RAD51B: variants seen among roughly 807,000 people sequenced by gnomAD.
RAD51B encodes the protein DNA repair protein RAD51 homolog 2.
A neutral mutation model predicts 42.2 loss-of-function variants in RAD51B; 38 were observed. The observed-to-expected ratio is 0.90, with a 90% CI of 0.70 to 1.18. The LOEUF (loss-of-function observed/expected upper bound fraction) is 1.18. RAD51B is among the 50% of genes most tolerant of loss of function. The pLI is 0.00. For missense variants in RAD51B, 373 were observed against 400.7 expected (o/e 0.93, Z 0.59); for synonymous variants, 154 against 145.2 (o/e 1.06, Z -0.43).
intron 7 of RAD51B, among the ~76,000 whole-genome samples, chr14:68,090,541 T>C (rs2077074133): frequency 6.6e-6 from 1 of 152,098 alleles, no homozygotes; most frequent in Admixed American, 6.5e-5. Context: ...TATAGTAAAA[T>C]AATGTACAGG....
chr14:68,581,867 A>G (rs1275437096), intron 10 of RAD51B, among the ~76,000 whole-genome samples: 2 of 152,216 alleles, frequency 1.3e-5, no homozygotes, highest in Non-Finnish European at 2.9e-5. Flanking sequence ...ATCTACAACC[A>G]TCTGATCTTT....
At chr14:68,011,456 C>A (rs1014273574) in intron 7 of RAD51B, among the ~76,000 whole-genome samples, 1 of 151,964 alleles carries the variant, frequency 6.6e-6, no homozygotes, top group Non-Finnish European at 1.5e-5. Context: ...TAATTTGGAA[C>A]CTTGGTTAGA....
chr14:68,183,921 G>A (rs562869624), intron 7 of RAD51B, among the ~76,000 whole-genome samples: 26 of 151,960 alleles, frequency 1.7e-4, no homozygotes, highest in Non-Finnish European at 3.4e-4. Context: ...GTGAAACCCC[G>A]TCTCTATTAA....
chr14:68,438,302 G>C (rs1456818901), intron 9 of RAD51B, among the ~76,000 whole-genome samples: 1 of 152,166 alleles, frequency 6.6e-6, no homozygotes, highest in African/African-American at 2.4e-5. Context: ...TAGGAGGCAG[G>C]ATCCACAACA....
At chr14:68,503,023 C>T (rs1408325960) in intron 10 of RAD51B, among the ~76,000 whole-genome samples, 1 of 152,222 alleles carries the variant, frequency 6.6e-6, no homozygotes, top group African/African-American at 2.4e-5. Context: ...GCCTACCCTG[C>T]CTGGCCTCAC....
intron 10 of RAD51B, among the ~76,000 whole-genome samples, chr14:68,513,964 A>G (rs1885944017): frequency 6.6e-6 from 1 of 152,194 alleles, no homozygotes. Flanking sequence ...TCATTTCTTT[A>G]AAAAGGAAGC....
At position 68,477,665 on chromosome 14, in the gene RAD51B, G is replaced by A. The variant is rs891245864; in HGVS notation, c.*1G>A. ...TCCTTTAGGCCAAGAGAAGCCATAG[G>A]GATACTGTGACCTTTGTCTAGAGTT... On this transcript the variant is annotated 3_prime_UTR_variant, in exon 11 of 11. Transcript: ENST00000471583. The A allele has an allele frequency of 1.5e-5, 24 of 1,611,618 alleles. No homozygotes were observed. The highest frequency in any genetic ancestry group is 2.0e-5 in the Non-Finnish European group (24 of 1,179,252).
intron 7 of RAD51B, among the ~76,000 whole-genome samples, chr14:67,937,018 T>C (rs1159457858): frequency 6.6e-6 from 1 of 152,228 alleles, no homozygotes; most frequent in African/African-American, 2.4e-5. Context: ...TCTCCCATTC[T>C]GTCCTTTTAC....
chr14:68,319,586 C>T (rs542730666), intron 8 of RAD51B, among the ~76,000 whole-genome samples: 2 of 152,270 alleles, frequency 1.3e-5, no homozygotes, highest in African/African-American at 4.8e-5. Context: ...CTCTGGAGAT[C>T]CAATTCTATT....
intron 10 of RAD51B, among the ~76,000 whole-genome samples, chr14:68,630,774 T>A (rs1457797268): frequency 6.6e-6 from 1 of 152,152 alleles, no homozygotes; most frequent in Non-Finnish European, 1.5e-5. Context: ...TCCAACCCCT[T>A]GAACCAACCC....
intron 5 of RAD51B, among the ~76,000 whole-genome samples, chr14:67,865,476 A>G (rs2042307789): frequency 1.4e-5 from 2 of 146,894 alleles, no homozygotes; most frequent in Non-Finnish European, 3.0e-5. Context: ...GCCTCAAGTG[A>G]TCTGCCCACC....
rs535044457 is a variant in RAD51B, at chr14:68,682,910, C to CTTTT, written c.*11+32071_*11+32074dup. 7.2e-4 allele frequency: 504 copies of CTTTT among 701,004 alleles called. 2 individuals carry two copies. Among genetic ancestry groups the CTTTT allele is most frequent in the East Asian group, 3.6e-3 (18 of 5,026 alleles). The allele number at this position is 701,004 out of a possible 1,614,324, so 43.4% of individuals were successfully genotyped here. On this transcript the variant is annotated intron_variant, in intron 11 of 11. Transcript: ENST00000488612. ...TTTAATAAAAATCTGTAGCTTATGG[C>CTTTT]TTTTTTTTTTTTTTTTTTTTGTATA...
chr14:68,147,988 T>C (rs1281470190), intron 7 of RAD51B, among the ~76,000 whole-genome samples: 1 of 152,150 alleles, frequency 6.6e-6, no homozygotes, highest in African/African-American at 2.4e-5. Flanking sequence ...CTCTTACCCT[T>C]CCTTACCTTA....
intron 7 of RAD51B, among the ~76,000 whole-genome samples, chr14:67,919,165 A>T (rs2044245499): frequency 6.6e-6 from 1 of 152,206 alleles, no homozygotes; most frequent in South Asian, 2.1e-4. Flanking sequence ...ACATTAGGGA[A>T]TAAACTGTCC....
At chr14:68,676,057 C>A (rs1009087761) in intron 11 of RAD51B, among the ~76,000 whole-genome samples, 2 of 152,198 alleles carry the variant, frequency 1.3e-5, no homozygotes, top group African/African-American at 4.8e-5. Context: ...ACTATTATTT[C>A]ACTTATAATG....
downstream of RAD51B, among the ~76,000 whole-genome samples, chr14:68,612,305 G>A (rs1251689632): frequency 6.6e-6 from 1 of 152,208 alleles, no homozygotes; most frequent in African/African-American, 2.4e-5. Flanking sequence ...TCTCCTGTTT[G>A]TAACACTCAA....
intron 5 of RAD51B, among the ~76,000 whole-genome samples, chr14:67,880,164 A>G (rs1009021396): frequency 4.6e-5 from 7 of 152,260 alleles, no homozygotes; most frequent in Non-Finnish European, 1.0e-4. Flanking sequence ...ATTGGGATGC[A>G]GTCAAACTCA....
chr14:68,384,753 A>G (rs1023697832), intron 8 of RAD51B, among the ~76,000 whole-genome samples: 2 of 152,198 alleles, frequency 1.3e-5, no homozygotes, highest in South Asian at 4.1e-4. Context: ...ATTTTAAGCA[A>G]TCGTTATATG....
At chr14:67,960,997 CGTTT>C (rs1236441092) in intron 7 of RAD51B, among the ~76,000 whole-genome samples, 1 of 149,160 alleles carries the variant, frequency 6.7e-6, no homozygotes, top group African/African-American at 2.4e-5. Context: ...ATTATTTGTT[CGTTT>C]GTTCATTCAT....
Sources: allele counts gnomAD v4.1 joint callset (sites outside exome capture counted in the v4.1 genomes callset), GRCh38; gene constraint gnomAD v4.1.1; transcripts MANE v1.5; gene names NCBI Gene and HGNC (gene_info 2026-07-23, HGNC 2026-07-21).